The following AGBL1 variants were observed in gnomAD, a reference collection of about 807,000 sequenced individuals.
AGBL1 encodes the protein cytosolic carboxypeptidase 4.
AGBL1 carries 130 observed loss-of-function variants against 118.9 expected under a neutral mutation model. The observed-to-expected ratio is 1.09, with a 90% CI of 0.95 to 1.26. The LOEUF is 1.26. Ranked by LOEUF, AGBL1 falls within the 50% of genes most tolerant of loss-of-function variation. The pLI is 0.00. For synonymous variants in AGBL1, 555 were observed against 478.9 expected (o/e 1.16, Z -2.08); for missense variants, 1,584 against 1,298.1 (o/e 1.22, Z -3.38).
chr15:86,923,061 C>T (rs1373246890), intron 23 of AGBL1, among the ~76,000 whole-genome samples: 4 of 152,118 alleles, frequency 2.6e-5, no homozygotes, highest in African/African-American at 9.7e-5. Context: ...GTATCCGGCC[C>T]GAGGGATGGT....
chr15:86,588,139 G>T (rs1454525021), intron 21 of AGBL1, among the ~76,000 whole-genome samples: 2 of 152,298 alleles, frequency 1.3e-5, no homozygotes, highest in East Asian at 1.9e-4. Context: ...TAAGAATAAA[G>T]TTCATGAAGA....
At position 86,884,891 on chromosome 15, in the gene AGBL1, G is replaced by A. The variant is rs28516640; in HGVS notation, c.3159-22196G>A. 3.2e-3 allele frequency among the ~76,000 whole-genome samples: 481 copies of A among 152,282 alleles called. 3 individuals carry two copies. The highest frequency in any genetic ancestry group is 0.011 in the African/African-American group (462 of 41,554). ...AAAGTGTCTCACAAAATGCCTCTCA[G>A]CGAGCTCTCGGATACGGAAGATGTG... On this transcript the variant is annotated intron_variant, in intron 22 of 22. Transcript: ENST00000614907.
At chr15:86,267,203 T>G (rs1279876235) in intron 13 of AGBL1, 127 bp downstream of exon 13, 11 of 733,366 alleles carry the variant, frequency 1.5e-5, no homozygotes, top group Admixed American at 2.6e-5. Context: ...GTGGGAATAT[T>G]TATATCATAA....
At chr15:86,786,307 C>T (rs981004706) in intron 22 of AGBL1, among the ~76,000 whole-genome samples, 6 of 151,960 alleles carry the variant, frequency 3.9e-5, no homozygotes, top group Non-Finnish European at 7.4e-5. Flanking sequence ...CTGATTCTTC[C>T]GGGACTAACA....
chr15:86,249,666 C>T (rs1167739693), intron 7 of AGBL1, among the ~76,000 whole-genome samples: 1 of 152,150 alleles, frequency 6.6e-6, no homozygotes, highest in African/African-American at 2.4e-5. Flanking sequence ...TGTTTAACAG[C>T]CCCCCACTCT....
At chr15:86,131,756 C>T (rs960485238) in intron 1 of AGBL1, among the ~76,000 whole-genome samples, 1 of 151,914 alleles carries the variant, frequency 6.6e-6, no homozygotes, top group Non-Finnish European at 1.5e-5. Context: ...CAAGGCCAGC[C>T]TGGGCAACAT....
At chr15:86,984,426 G>A (rs1433758289) in intron 23 of AGBL1, among the ~76,000 whole-genome samples, 4 of 150,012 alleles carry the variant, frequency 2.7e-5, no homozygotes, top group African/African-American at 4.9e-5. Flanking sequence ...GTGCAGTGGC[G>A]TGATCTCGGC....
chr15:86,694,439 T>A (rs976741093), intron 22 of AGBL1, among the ~76,000 whole-genome samples: 1 of 152,126 alleles, frequency 6.6e-6, no homozygotes, highest in Non-Finnish European at 1.5e-5. Flanking sequence ...TTGTGTACAT[T>A]AATTTTGTAT....
chr15:86,617,896 C>T (rs1443091859), intron 21 of AGBL1, among the ~76,000 whole-genome samples: 2 of 152,026 alleles, frequency 1.3e-5, no homozygotes, highest in African/African-American at 4.8e-5. Context: ...AAAAACAAAA[C>T]ATATTATTCC....
chr15:86,136,640 AC>A (rs1371025516), intron 1 of AGBL1, among the ~76,000 whole-genome samples: 1 of 152,214 alleles, frequency 6.6e-6, no homozygotes, highest in African/African-American at 2.4e-5. Flanking sequence ...GAGCAGAGGT[AC>A]CCATGATACT....
chr15:86,985,791 A>G (rs961049370), intron 23 of AGBL1, among the ~76,000 whole-genome samples: 5 of 152,056 alleles, frequency 3.3e-5, no homozygotes, highest in Non-Finnish European at 5.9e-5. Context: ...TTGTATCTAA[A>G]CTGTATTTCC....
At chr15:86,899,572 A>T (rs953079590) in intron 22 of AGBL1, among the ~76,000 whole-genome samples, 12 of 152,192 alleles carry the variant, frequency 7.9e-5, no homozygotes, top group African/African-American at 2.9e-4. Context: ...TTTATTTCAA[A>T]ATCTTAAAAT....
intron 5 of AGBL1, among the ~76,000 whole-genome samples, chr15:86,218,749 G>T (rs2078231238): frequency 6.6e-6 from 1 of 152,196 alleles, no homozygotes; most frequent in Non-Finnish European, 1.5e-5. Flanking sequence ...ATGCAGAGTG[G>T]TCTTACTGTC....
intron 22 of AGBL1, among the ~76,000 whole-genome samples, chr15:86,699,534 T>A (rs1315155816): frequency 6.6e-6 from 1 of 151,204 alleles, no homozygotes; most frequent in East Asian, 2.0e-4. Flanking sequence ...AGTTCCTTGA[T>A]CTTTCTTGGC....
At chr15:86,203,231 T>C (rs930890611) in intron 5 of AGBL1, among the ~76,000 whole-genome samples, 2 of 152,020 alleles carry the variant, frequency 1.3e-5, no homozygotes, top group East Asian at 3.9e-4. Flanking sequence ...ATGGTACAGA[T>C]TCGTTTTTGA....
At chr15:86,830,296 C>T (rs1237994203) in intron 22 of AGBL1, among the ~76,000 whole-genome samples, 1 of 152,112 alleles carries the variant, frequency 6.6e-6, no homozygotes, top group East Asian at 1.9e-4. Flanking sequence ...TTCAATCAAC[C>T]TCTGAGAGGT....
At chr15:86,563,803 A>G (rs906763124) in intron 21 of AGBL1, among the ~76,000 whole-genome samples, 2 of 152,142 alleles carry the variant, frequency 1.3e-5, no homozygotes, top group East Asian at 1.9e-4. Flanking sequence ...TGCTTTATGA[A>G]TCTGGGTGCT....
At chr15:86,735,640 C>T (rs1034904961) in intron 22 of AGBL1, among the ~76,000 whole-genome samples, 5 of 114,434 alleles carry the variant, frequency 4.4e-5, no homozygotes, top group Non-Finnish European at 8.7e-5. Flanking sequence ...GTGTGTATTT[C>T]CTGCTACAAA....
chr15:86,997,061 CT>C lies in AGBL1; in HGVS notation c.3323+8980del, dbSNP rs113620923. Among the ~76,000 whole-genome samples, 5 of 151,984 alleles carry C rather than the reference CT, an allele frequency of 3.3e-5. No homozygotes were observed. In the South Asian group the frequency reaches 6.2e-4, roughly 19 times the overall value. The stretch of plus-strand genomic sequence containing the variant: ...AAGAAAAAAAAGAGACATGAATAGC[CT>C]TTTTTTCTTTCCTGTTGTTTTGATC... On this transcript the variant is annotated intron_variant, in intron 24 of 24. Coordinates refer to the AGBL1 transcript ENST00000441037.
Sources: gnomAD v4.1 joint callset for allele counts (sites outside exome capture counted in the v4.1 genomes callset) on GRCh38, gnomAD v4.1.1 for gene constraint, MANE v1.5 for transcripts, NCBI Gene and HGNC (gene_info 2026-07-23, HGNC 2026-07-21) for gene names.